The following OSBPL8 variants were observed in gnomAD, a reference collection of about 807,000 sequenced individuals.
OSBPL8 encodes oxysterol binding protein like 8, also known as oxysterol-binding protein-related protein 8.
In OSBPL8, 59 loss-of-function variants were observed where a neutral mutation model predicts 125.5. The ratio of observed to expected loss-of-function variants is 0.47; its 90% CI spans 0.38 to 0.58. The LOEUF (loss-of-function observed/expected upper bound fraction) is 0.58. Among genes scored for constraint, OSBPL8 ranks in the 20% least tolerant of loss-of-function variants. The pLI, the probability that OSBPL8 is intolerant of heterozygous loss-of-function variation, is 0.00. For synonymous variants in OSBPL8, 330 were observed against 338.9 expected (o/e 0.97, Z 0.29); for missense variants, 758 against 1,047.8 (o/e 0.72, Z 3.82).
intron 3 of OSBPL8, among the ~76,000 whole-genome samples, chr12:76,459,589 A>G (rs1374759793): frequency 6.6e-6 from 1 of 152,240 alleles, no homozygotes; most frequent in Non-Finnish European, 1.5e-5. Flanking sequence ...GAGGTCCCAA[A>G]TTATGAGTTA....
intron 1 of OSBPL8, among the ~76,000 whole-genome samples, chr12:76,514,226 C>A (rs1592828536): frequency 6.6e-6 from 1 of 152,184 alleles, no homozygotes. Flanking sequence ...CTCACTGCAA[C>A]CTCCGCCTCC....
At chr12:76,493,338 T>C (rs900987569) in intron 1 of OSBPL8, among the ~76,000 whole-genome samples, 2 of 152,192 alleles carry the variant, frequency 1.3e-5, no homozygotes, top group African/African-American at 4.8e-5. Flanking sequence ...AATTTACATG[T>C]TTTCATGTTA....
rs971068559 is a variant in OSBPL8, at chr12:76,399,986, A to G, written c.367-12T>C. The G allele has an allele frequency of 6.4e-7, 1 of 1,557,162 alleles. No homozygotes were observed. The highest frequency in any genetic ancestry group is 8.7e-7 in the Non-Finnish European group (1 of 1,153,492). ...TTTTTCTTTTGTACCTATTTTATAG[A>G]AATAATAGAAAAGATAAAAACTCAA... On this transcript the variant is annotated splice_polypyrimidine_tract_variant and intron_variant, in intron 6 of 23. Transcript: ENST00000261183.
intron 4 of OSBPL8, among the ~76,000 whole-genome samples, chr12:76,427,233 T>C (rs1244997770): frequency 6.6e-6 from 1 of 152,058 alleles, no homozygotes; most frequent in Non-Finnish European, 1.5e-5. Flanking sequence ...GAAACAACAT[T>C]ATATGATAGA....
chr12:76,432,681 G>T (rs1870986090), intron 4 of OSBPL8, among the ~76,000 whole-genome samples: 1 of 151,384 alleles, frequency 6.6e-6, no homozygotes, highest in African/African-American at 2.4e-5. Context: ...CAGAAGGAAA[G>T]AATAAAAATT....
chr12:76,354,382 C>T lies in OSBPL8; in HGVS notation c.*1507G>A, dbSNP rs1951915261. The T allele has an allele frequency of 6.6e-6, 1 of 151,792 alleles. No individual in the cohort carries two copies. Among genetic ancestry groups the T allele is most frequent in the Non-Finnish European group, 1.5e-5 (1 of 67,774 alleles). The allele number at this position is 151,792 out of a possible 1,614,324, so 9.4% of individuals were successfully genotyped here. ...AGGGAAAAAAGCAGGCTCTTTTTATCATTTTGATTCTCATAATTTACCAAT... is the reference window on the plus strand; with the variant it reads ...AGGGAAAAAAGCAGGCTCTTTTTATTATTTTGATTCTCATAATTTACCAAT... On this transcript the variant is annotated 3_prime_UTR_variant, in exon 24 of 24. Coordinates refer to ENST00000261183, the MANE Select transcript of OSBPL8 (RefSeq NM_020841.5).
intron 5 of OSBPL8, among the ~76,000 whole-genome samples, chr12:76,404,808 G>A (rs1954190195): frequency 6.6e-6 from 1 of 152,168 alleles, no homozygotes; most frequent in African/African-American, 2.4e-5. Flanking sequence ...CACAATTACA[G>A]TAGTTAAGTT....
At chr12:76,366,726 T>G (rs923600849) in intron 21 of OSBPL8, among the ~76,000 whole-genome samples, 1 of 152,176 alleles carries the variant, frequency 6.6e-6, no homozygotes, top group African/African-American at 2.4e-5. Flanking sequence ...ATACTATATA[T>G]TTGTTTTCAC....
At chr12:76,389,401 A>G (rs1953462719) in intron 12 of OSBPL8, among the ~76,000 whole-genome samples, 1 of 152,206 alleles carries the variant, frequency 6.6e-6, no homozygotes, top group Non-Finnish European at 1.5e-5. Context: ...GTTGTTGAGT[A>G]AAGGGTAGAA....
In OSBPL8 at chr12:76,352,159, G is replaced by T. The variant is rs1951846009; in HGVS notation, c.*3730C>A. On this transcript the variant is annotated 3_prime_UTR_variant, in exon 24 of 24. Coordinates refer to ENST00000261183, the MANE Select transcript of OSBPL8 (RefSeq NM_020841.5). ...AAAAAATTTCAACTGAAGTTCTGTGGCTCATCAGTTCAAATGTTTCATGGC... is the reference window on the plus strand; with the variant it reads ...AAAAAATTTCAACTGAAGTTCTGTGTCTCATCAGTTCAAATGTTTCATGGC... The T allele has an allele frequency of 6.6e-6, 1 of 152,552 alleles. No individual in the cohort carries two copies. Among genetic ancestry groups the T allele is most frequent in the South Asian group, 2.1e-4 (1 of 4,828 alleles). The allele number at this position is 152,552 out of a possible 1,614,324, so 9.4% of individuals were successfully genotyped here.
At chr12:76,356,470 C>T (rs529167093) in intron 23 of OSBPL8, among the ~76,000 whole-genome samples, 156 bp downstream of exon 23, 5 of 152,014 alleles carry the variant, frequency 3.3e-5, no homozygotes, top group African/African-American at 4.8e-5. Context: ...GGAGGAATTT[C>T]GTAAGTGTCA....
At chr12:76,547,614 T>C (rs1418640087) in intron 1 of OSBPL8, among the ~76,000 whole-genome samples, 1 of 152,048 alleles carries the variant, frequency 6.6e-6, no homozygotes, top group Non-Finnish European at 1.5e-5. Flanking sequence ...TGAACCAAAG[T>C]AGCTATCACA....
chr12:76,366,533 AT>A, intron 21 of OSBPL8: 1 of 409,440 alleles, frequency 2.4e-6, no homozygotes, highest in Middle Eastern at 3.6e-4. Context: ...CCTACTCTCT[AT>A]TTTGTTTATC....
Position 76,457,454 on chromosome 12 carries a change from T to A in OSBPL8, c.79+2405A>T, listed in dbSNP as rs527810114. On this transcript the variant is annotated intron_variant, in intron 3 of 23. Coordinates refer to ENST00000261183, the MANE Select transcript of OSBPL8 (RefSeq NM_020841.5). ...CATGATATACCTAACCTTTCCTTTA[T>A]TTTTTCTATGTTTCTAAGGTACAGT... 3.9e-5 allele frequency among the ~76,000 whole-genome samples: 6 copies of A among 152,308 alleles called. No homozygotes were observed. The East Asian group carries it at 1.2e-3, about 29-fold the overall frequency.
intron 4 of OSBPL8, among the ~76,000 whole-genome samples, chr12:76,412,427 C>T (rs1868268925): frequency 1.3e-5 from 2 of 151,902 alleles, no homozygotes; most frequent in Admixed American, 1.3e-4. Context: ...TAAATTATAC[C>T]TCAATAAAAA....
intron 1 of OSBPL8, among the ~76,000 whole-genome samples, chr12:76,493,548 T>C (rs1196050621): frequency 6.6e-6 from 1 of 152,212 alleles, no homozygotes; most frequent in African/African-American, 2.4e-5. Flanking sequence ...AAATATATTA[T>C]TCTATTCTCT....
chr12:76,475,638 G>A (rs1876710617), intron 2 of OSBPL8, among the ~76,000 whole-genome samples: 1 of 152,118 alleles, frequency 6.6e-6, no homozygotes, highest in South Asian at 2.1e-4. Context: ...GAAGCCAATT[G>A]CTTTTGCAAG....
chr12:76,540,809 T>A (rs1950622022), intron 1 of OSBPL8, among the ~76,000 whole-genome samples: 1 of 152,142 alleles, frequency 6.6e-6, no homozygotes, highest in African/African-American at 2.4e-5. Flanking sequence ...GTAATTGAGA[T>A]TAACCTTGAA....
chr12:76,493,840 C>G (rs1878993456), intron 1 of OSBPL8, among the ~76,000 whole-genome samples: 1 of 152,130 alleles, frequency 6.6e-6, no homozygotes, highest in South Asian at 2.1e-4. Flanking sequence ...AATGTTAGCT[C>G]TTTTGATGAT....
Sources: allele counts gnomAD v4.1 joint callset (sites outside exome capture counted in the v4.1 genomes callset), GRCh38; gene constraint gnomAD v4.1.1; transcripts MANE v1.5; gene names NCBI Gene and HGNC (gene_info 2026-07-23, HGNC 2026-07-21).